UNK: variants seen among roughly 807,000 people sequenced by gnomAD.
UNK encodes RING finger protein unkempt homolog.
In UNK, 32 loss-of-function variants were observed where a neutral mutation model predicts 97.6. The observed-to-expected ratio is 0.33, with a 90% confidence interval of 0.25 to 0.44. The LOEUF is 0.44. Among genes scored for constraint, UNK ranks in the 20% least tolerant of loss-of-function variants. The pLI, the probability that UNK is intolerant of heterozygous loss-of-function variation, is 1.00. For synonymous variants in UNK, 441 were observed against 461.2 expected (o/e 0.96, Z 0.56); for missense variants, 771 against 1,098.4 (o/e 0.70, Z 4.21).
chr17:75,815,126 C>T, intron 6 of UNK, 43 bp from the exon 7 acceptor site: 1 of 1,581,140 alleles, frequency 6.3e-7, no homozygotes, highest in Non-Finnish European at 8.6e-7. Context: ...GCCCGGCCTT[C>T]CCTCAGGGCC....
rs1431006082 is a variant in UNK at position 75,809,777 on chromosome 17, G to A, written c.122G>A (p.Arg41His). The A allele has an allele frequency of 6.2e-7, 1 of 1,610,092 alleles. No individual in the cohort carries two copies. The highest frequency in any genetic ancestry group is 1.1e-5 in the South Asian group (1 of 90,466). ...CTCTGCAGGTACCTGAAAGAATTCC[G>A]CACAGAGCAGTGCCCACTCTTTGTG... ...PQHYTYLKEF[R>H]TEQCPLFVQH... Residue 41 changes from arginine (R) to histidine (H), a missense_variant, in exon 2 of 16, where the codon CGC becomes CAC. Transcript: ENST00000589666.
chr17:75,794,556 A>G (rs1279860900), intron 1 of UNK, among the ~76,000 whole-genome samples: 1 of 151,972 alleles, frequency 6.6e-6, no homozygotes, highest in Non-Finnish European at 1.5e-5. Context: ...GAGAATCACT[A>G]GGACCCAGGA....
At chr17:75,794,395 G>A (rs1567794742) in intron 1 of UNK, among the ~76,000 whole-genome samples, 1 of 152,134 alleles carries the variant, frequency 6.6e-6, no homozygotes. Flanking sequence ...CCAGCATTTT[G>A]GGAGGCTGAG....
At position 75,813,068 on chromosome 17, in the gene UNK, C is replaced by A. The variant is rs764751864; in HGVS notation, c.623-10C>A. On this transcript the variant is annotated splice_polypyrimidine_tract_variant and intron_variant, in intron 4 of 15. Transcript: ENST00000589666. ...CTCACCTGACCCCTGCCCTCTGGCC[C>A]CCTGTGCAGAGACTGCTTATGTGCT... The A allele has an allele frequency of 1.9e-6, 3 of 1,582,102 alleles. No individual in the cohort carries two copies. The highest frequency in any genetic ancestry group is 2.6e-6 in the Non-Finnish European group (3 of 1,163,914).
In UNK at chr17:75,824,201, C is replaced by A. The variant is rs549522611; in HGVS notation, c.2278-61C>A. ...GGGGCTGCAGTGAGGATCAAGGGAA[C>A]TCCTCGCTCAACTTGGGGCCAGACC... On this transcript the variant is annotated intron_variant, in intron 15 of 15. Coordinates refer to ENST00000589666, the MANE Select transcript of UNK (RefSeq NM_001080419.3). The surrounding 1 kb of genome is among the most constrained non-coding windows in gnomAD (Gnocchi z 4.9). The A allele has an allele frequency of 1.3e-6, 2 of 1,489,000 alleles. No individual in the cohort carries two copies. The highest frequency in any genetic ancestry group is 1.8e-6 in the Non-Finnish European group (2 of 1,112,836). 92.2% of individuals were successfully genotyped at this position (1,489,000 alleles called of 1,614,324 possible). A position where few individuals can be genotyped will look rare whatever the true frequency, so the allele number is the denominator to read the frequency against.
Position 75,806,298 on chromosome 17 carries a change from C to CA in UNK, c.105-3451dup, listed in dbSNP as rs60027761. Among the ~76,000 whole-genome samples, 496 of 141,564 alleles carry CA rather than the reference C, an allele frequency of 3.5e-3. 3 individuals are homozygous for CA. Among genetic ancestry groups the CA allele is most frequent in the African/African-American group, 8.3e-3 (324 of 39,234 alleles). 92.9% of individuals were successfully genotyped at this position (141,564 alleles called of 152,430 possible). A position where few individuals can be genotyped will look rare whatever the true frequency, so the allele number is the denominator to read the frequency against. On this transcript the variant is annotated intron_variant, in intron 1 of 15. Transcript: ENST00000589666. ...TGAAACCCCGTCTCTACTAAAAATA[C>CA]AAAAAAAAAAATTAGCCAGGCGTGG... is the stretch of plus-strand genomic sequence containing the variant.
rs756774600 is a variant in UNK at position 75,812,572 on chromosome 17, G to C, written c.609G>C (p.Glu203Asp). The change falls in exon 4 of 16, where the codon GAG becomes GAC. Residue 203 changes from glutamate (E) to aspartate (D), a missense_variant. Physicochemically the swap from Glu to Asp is conservative, Grantham distance 45. This residue lies in a region of UNK where 246 missense variants were observed against 440.7 expected (regional missense o/e 0.56). Coordinates refer to ENST00000589666, the MANE Select transcript of UNK (RefSeq NM_001080419.3). The stretch of plus-strand genomic sequence containing the variant: ...TGATAGAAAAGATCCTCAGCGAGGA[G>C]CCTCGGTGGCAAGGTACAGGCATCC... ...HAMIEKILSEEPRWQETAYVL... is the reference protein window; with the variant it reads ...HAMIEKILSEDPRWQETAYVL... 1 of 1,612,948 alleles carries C rather than the reference G, an allele frequency of 6.2e-7. No homozygotes were observed. The highest frequency in any genetic ancestry group is 1.3e-5 in the African/African-American group (1 of 74,916).
chr17:75,804,369 C>T (rs193206462), intron 1 of UNK, among the ~76,000 whole-genome samples: 17 of 151,512 alleles, frequency 1.1e-4, no homozygotes, highest in Non-Finnish European at 2.2e-4. Flanking sequence ...GCAGGGGAAT[C>T]GCTTGAGTGT....
intron 1 of UNK, among the ~76,000 whole-genome samples, chr17:75,802,010 G>A (rs2143727692): frequency 1.3e-5 from 2 of 151,894 alleles, no homozygotes; most frequent in South Asian, 2.1e-4. Context: ...ACCACGCCTG[G>A]GTAATTTTTT....
intron 1 of UNK, among the ~76,000 whole-genome samples, chr17:75,802,154 T>A (rs1310334181): frequency 1.3e-5 from 2 of 149,970 alleles, no homozygotes; most frequent in African/African-American, 4.9e-5. Flanking sequence ...GACCTAAAAA[T>A]TTTTTTCTGA....
Position 75,819,762 on chromosome 17 carries a change from C to T in UNK, c.1625C>T (p.Pro542Leu). Residue 542 changes from proline (P) to leucine (L), a missense_variant, in exon 12 of 16, where the codon CCC becomes CTC. By Grantham distance (98) the Pro-to-Leu change is moderately conservative (BLOSUM62 -3). This residue lies in a region of UNK where 91 missense variants were observed against 173.1 expected (regional missense o/e 0.53). Transcript: ENST00000589666. This position sits in a 1 kb window ranked among gnomAD's most constrained non-coding sequence, Gnocchi z 5.4. Reference protein sequence around the residue: ...LEKTFDNSTVPHPGSITIGGS... With the variant: ...LEKTFDNSTVLHPGSITIGGS... ...AAGACTTTCGATAACAGCACAGTGC[C>T]CCACCCAGGAAGCATCACCATCGGT... The T allele has an allele frequency of 6.2e-7, 1 of 1,613,872 alleles. No individual in the cohort carries two copies. Among genetic ancestry groups the T allele is most frequent in the Non-Finnish European group, 8.5e-7 (1 of 1,179,894 alleles).
At chr17:75,821,779 A>T (rs1401905438) in intron 13 of UNK, 1 of 454,596 alleles carries the variant, frequency 2.2e-6, no homozygotes, top group Non-Finnish European at 4.4e-6. Flanking sequence ...GGGGGACCTG[A>T]TGTTAGTAAA....
At chr17:75,792,279 TTTTTTG>T (rs1285980571) in intron 1 of UNK, 31 of 980,894 alleles carry the variant, frequency 3.2e-5, no homozygotes, top group South Asian at 4.7e-5. Context: ...ATGATTAAGT[TTTTTTG>T]TTTTTGTTTT....
intron 1 of UNK, chr17:75,785,257 G>T (rs1208910565): frequency 4.8e-6 from 2 of 416,634 alleles, no homozygotes; most frequent in Non-Finnish European, 8.5e-6. Context: ...CCTAGGCCAG[G>T]CCTTCGAGGC....
chr17:75,809,707 A>C, intron 1 of UNK, 53 bp from the exon 2 acceptor site: 1 of 1,543,154 alleles, frequency 6.5e-7, no homozygotes, highest in Admixed American at 2.0e-5. Flanking sequence ...GCTGGGAAGC[A>C]AGAGACTTCA....
At chr17:75,806,395 G>C (rs911120693) in intron 1 of UNK, among the ~76,000 whole-genome samples, 1 of 147,068 alleles carries the variant, frequency 6.8e-6, no homozygotes, top group African/African-American at 2.5e-5. Flanking sequence ...GGAGGCAGAG[G>C]TTGCGGTGAG....
At chr17:75,790,487 C>T (rs546357084) in intron 1 of UNK, among the ~76,000 whole-genome samples, 1 of 151,952 alleles carries the variant, frequency 6.6e-6, no homozygotes, top group East Asian at 1.9e-4. Flanking sequence ...AAAAAACGAG[C>T]CTGGTGTGGT....
In UNK at chr17:75,824,784, TTCTG is replaced by T. The variant is rs1200221397; in HGVS notation, c.*371_*374del. On this transcript the variant is annotated 3_prime_UTR_variant, in exon 16 of 16. Coordinates refer to ENST00000589666, the MANE Select transcript of UNK (RefSeq NM_001080419.3). This position sits in a 1 kb window ranked among gnomAD's most constrained non-coding sequence, Gnocchi z 4.9. ...ACTGGCCTTTTGGCAGAGAATCTGG[TTCTG>T]TCTCTTTTTTAATGTAGGAACTAAC... 3 of 152,614 alleles carry T rather than the reference TTCTG, an allele frequency of 2.0e-5. No homozygotes were observed. Among genetic ancestry groups the T allele is most frequent in the Non-Finnish European group, 4.4e-5 (3 of 68,318 alleles). 9.5% of individuals were successfully genotyped at this position (152,614 alleles called of 1,614,324 possible).
chr17:75,818,584 G>A lies in UNK; in HGVS notation c.1372-58G>A, dbSNP rs549838476. On this transcript the variant is annotated intron_variant, in intron 10 of 15. Transcript: ENST00000589666. This position sits in a 1 kb window ranked among gnomAD's most constrained non-coding sequence, Gnocchi z 5.1. Reference sequence around the variant, plus strand: ...GCCCCCAGCCCCTCTCCAGCCTCTCGTCCTGGCCTCCGTATGCAGGCCTAC... The same window carrying A: ...GCCCCCAGCCCCTCTCCAGCCTCTCATCCTGGCCTCCGTATGCAGGCCTAC... The A allele has an allele frequency of 1.5e-4, 235 of 1,526,294 alleles. 1 individual carries two copies. In the Admixed American group the frequency reaches 3.6e-3, roughly 24 times the overall value. The allele number at this position is 1,526,294 out of a possible 1,614,324, so 94.5% of individuals were successfully genotyped here. A position where few individuals can be genotyped will look rare whatever the true frequency, so the allele number is the denominator to read the frequency against.
Sources: gnomAD v4.1 joint callset for allele counts (sites outside exome capture counted in the v4.1 genomes callset) on GRCh38, gnomAD v4.1.1 for gene constraint, gnomAD v4.1.1 regional missense constraint, Gnocchi (gnomAD v3.1) non-coding constraint, MANE v1.5 for transcripts, NCBI Gene and HGNC (gene_info 2026-07-23, HGNC 2026-07-21) for gene names.